HS3ST5: variants seen among roughly 807,000 people sequenced by gnomAD.
HS3ST5 encodes heparan sulfate-glucosamine 3-sulfotransferase 5.
Under a neutral mutation model 25.4 loss-of-function variants are expected in HS3ST5, and 10 were observed. That is an observed-to-expected ratio of 0.39 (90% CI 0.24 to 0.67). HS3ST5 has a LOEUF of 0.67. HS3ST5 is among the 30% of genes least tolerant of loss of function. The pLI, the probability that HS3ST5 is intolerant of heterozygous loss-of-function variation, is 0.44. For missense variants in HS3ST5, 324 were observed against 420.7 expected (o/e 0.77, Z 2.01); for synonymous variants, 170 against 162.4 (o/e 1.05, Z -0.36).
chr6:114,172,240 A>G (rs567212009), intron 2 of HS3ST5, among the ~76,000 whole-genome samples: 1 of 152,308 alleles, frequency 6.6e-6, no homozygotes, highest in Non-Finnish European at 1.5e-5. Context: ...GCTACACTGT[A>G]TCTCAATTAC....
Position 114,058,008 on chromosome 6 carries a change from C to G in HS3ST5, c.290G>C (p.Gly97Ala), listed in dbSNP as rs1772868384. ...VQQLPKAIII[G>A]VRKGGTRALL... ...GGCCCTTGTGCCTCCTTTCCTCACCCCAATGATAATGGCCTTGGGGAGCTG... is the reference window on the plus strand; with the variant it reads ...GGCCCTTGTGCCTCCTTTCCTCACCGCAATGATAATGGCCTTGGGGAGCTG... The change falls in exon 5 of 5, where the codon GGG becomes GCG. Residue 97 changes from glycine (G) to alanine (A), a missense_variant. Physicochemically the swap from Gly to Ala is moderately conservative, Grantham distance 60 (BLOSUM62 0). Around this residue, in one of 2 missense-constraint regions of HS3ST5, gnomAD observed 203 missense variants for 303.4 expected, o/e 0.67. Transcript: ENST00000312719. 6.2e-7 allele frequency: 1 copy of G among 1,614,188 alleles called. No individual in the cohort carries two copies. Among genetic ancestry groups the G allele is most frequent in the African/African-American group, 1.3e-5 (1 of 75,040 alleles).
At chr6:114,269,778 G>C (rs1300430043) in intron 1 of HS3ST5, among the ~76,000 whole-genome samples, 1 of 152,138 alleles carries the variant, frequency 6.6e-6, no homozygotes, top group Admixed American at 6.6e-5. Context: ...TATAATTTTA[G>C]ACTAGAAGAT....
At chr6:114,292,237 G>A (rs1007071890) in intron 1 of HS3ST5, among the ~76,000 whole-genome samples, 7 of 152,066 alleles carry the variant, frequency 4.6e-5, no homozygotes, top group Non-Finnish European at 1.0e-4. Context: ...TATAATGAAT[G>A]GAAATTTATT....
At chr6:114,102,325 C>T (rs1775776562) in intron 3 of HS3ST5, among the ~76,000 whole-genome samples, 1 of 152,146 alleles carries the variant, frequency 6.6e-6, no homozygotes, top group Admixed American at 6.5e-5. Flanking sequence ...CTTTGCCATT[C>T]CCAGAACGTA....
chr6:114,104,969 A>C (rs1775917162), intron 3 of HS3ST5, among the ~76,000 whole-genome samples: 1 of 152,154 alleles, frequency 6.6e-6, no homozygotes, highest in Admixed American at 6.5e-5. Flanking sequence ...CATCCACAGA[A>C]AAAGGAAAAA....
chr6:114,280,732 T>C (rs1276390660), intron 1 of HS3ST5, among the ~76,000 whole-genome samples: 6 of 152,170 alleles, frequency 3.9e-5, no homozygotes, highest in Admixed American at 3.9e-4. Flanking sequence ...TTCAGAGATC[T>C]GATTTCAATT....
intron 3 of HS3ST5, among the ~76,000 whole-genome samples, chr6:114,098,930 C>T (rs953163420): frequency 3.9e-5 from 6 of 152,014 alleles, no homozygotes; most frequent in African/African-American, 1.4e-4. Flanking sequence ...AATTTATGCA[C>T]TGGTGCCAAC....
chr6:114,319,849 G>C (rs1010954733), intron 1 of HS3ST5, among the ~76,000 whole-genome samples: 1 of 151,970 alleles, frequency 6.6e-6, no homozygotes, highest in Non-Finnish European at 1.5e-5. Flanking sequence ...TTAAGTATCT[G>C]ATACTATTTT....
At chr6:114,276,484 A>G (rs1562261190) in intron 1 of HS3ST5, among the ~76,000 whole-genome samples, 1 of 151,876 alleles carries the variant, frequency 6.6e-6, no homozygotes. Context: ...TTTACACATA[A>G]TAAGAGTAAT....
intron 3 of HS3ST5, among the ~76,000 whole-genome samples, chr6:114,080,856 C>T (rs879594823): frequency 3.3e-5 from 5 of 151,090 alleles, no homozygotes; most frequent in Non-Finnish European, 7.4e-5. Flanking sequence ...GGTGATGGTA[C>T]CATTTGTACC....
At position 114,076,216 on chromosome 6, in the gene HS3ST5, T is replaced by G. The variant is rs77970741; in HGVS notation, c.-32-13339A>C. Among the ~76,000 whole-genome samples the G allele has an allele frequency of 4.6e-5, 7 of 152,332 alleles. No individual in the cohort carries two copies. In the East Asian group the frequency reaches 1.4e-3, roughly 29 times the overall value. On this transcript the variant is annotated intron_variant, in intron 3 of 4. Transcript: ENST00000312719. The stretch of plus-strand genomic sequence containing the variant: ...ACAGGAAGCTCAAACTAGGTTACCC[T>G]GCTGCTATGTGACTTTGTGTAAACC...
chr6:114,098,488 C>A (rs1339252200), intron 3 of HS3ST5, among the ~76,000 whole-genome samples: 1 of 148,556 alleles, frequency 6.7e-6, no homozygotes, highest in African/African-American at 2.5e-5. Flanking sequence ...TATTTTTCCT[C>A]AAGTACATAT....
chr6:114,305,047 T>A lies in HS3ST5; in HGVS notation c.-339+37148A>T, dbSNP rs143666560. On this transcript the variant is annotated intron_variant, in intron 1 of 4. Coordinates refer to ENST00000312719, the MANE Select transcript of HS3ST5 (RefSeq NM_153612.4). ...AATGTGAAATCTGAAACCATATCAA[T>A]GTACTCTATTACATTAAAATTCACT... Among the ~76,000 whole-genome samples the A allele has an allele frequency of 1.1e-4, 16 of 152,256 alleles. No individual in the cohort carries two copies. The East Asian group carries it at 1.2e-3, about 11-fold the overall frequency.
intron 1 of HS3ST5, among the ~76,000 whole-genome samples, chr6:114,260,648 A>G (rs1175525334): frequency 6.6e-6 from 1 of 152,232 alleles, no homozygotes; most frequent in Non-Finnish European, 1.5e-5. Flanking sequence ...CTAAGTGATC[A>G]GACCCCAGAT....
At chr6:114,178,076 T>A (rs1225097331) in intron 2 of HS3ST5, among the ~76,000 whole-genome samples, 2 of 152,170 alleles carry the variant, frequency 1.3e-5, no homozygotes, top group African/African-American at 4.8e-5. Context: ...CTTAACAGTT[T>A]TTGGCTTTCT....
rs563834905 is a variant in HS3ST5, at chr6:114,111,493, C to T, written c.-32-48616G>A. ...AATGTCCTATCTTCCTCACACAGAG[C>T]ATGGGTCTCCTGCCTAGGTCTTTTG... is the stretch of plus-strand genomic sequence containing the variant. On this transcript the variant is annotated intron_variant, in intron 3 of 4. Transcript: ENST00000312719. Among the ~76,000 whole-genome samples, 92 of 152,282 alleles carry T rather than the reference C, an allele frequency of 6.0e-4. 1 individual carries two copies. The highest frequency in any genetic ancestry group is 2.0e-3 in the African/African-American group (84 of 41,566).
intron 1 of HS3ST5, among the ~76,000 whole-genome samples, chr6:114,253,643 G>A (rs1772767833): frequency 6.6e-6 from 1 of 152,302 alleles, no homozygotes; most frequent in East Asian, 1.9e-4. Flanking sequence ...TCCAAGTTCA[G>A]ACATGACACT....
intron 3 of HS3ST5, among the ~76,000 whole-genome samples, chr6:114,072,401 C>A (rs975306976): frequency 6.6e-6 from 1 of 151,980 alleles, no homozygotes; most frequent in African/African-American, 2.4e-5. Context: ...ACTTTGGAAG[C>A]CAGTTGTTAA....
intron 2 of HS3ST5, among the ~76,000 whole-genome samples, chr6:114,182,457 G>A (rs1780018732): frequency 6.6e-6 from 1 of 152,150 alleles, no homozygotes. Context: ...TCTTGCTTTG[G>A]CCCTAGAATT....
Sources: gnomAD v4.1 joint callset for allele counts (sites outside exome capture counted in the v4.1 genomes callset) on GRCh38, gnomAD v4.1.1 for gene constraint, gnomAD v4.1.1 regional missense constraint, MANE v1.5 for transcripts, NCBI Gene and HGNC (gene_info 2026-07-23, HGNC 2026-07-21) for gene names.